PTPRD: variants seen among roughly 807,000 people sequenced by gnomAD.
The protein encoded by PTPRD is protein tyrosine phosphatase receptor type D.
In PTPRD, 34 loss-of-function variants were observed where a neutral mutation model predicts 214.5. The ratio of observed to expected loss-of-function variants is 0.16; its 90% CI spans 0.12 to 0.21. The LOEUF (loss-of-function observed/expected upper bound fraction) is 0.21. PTPRD is among the 10% of genes least tolerant of loss of function. The pLI, the probability that PTPRD is intolerant of heterozygous loss-of-function variation, is 1.00. For missense variants in PTPRD, 2,545 were observed against 2,398.7 expected (o/e 1.06, Z -1.27); for synonymous variants, 1,128 against 845.7 (o/e 1.33, Z -5.79).
chr9:10,238,882 G>C (rs2099637658), intron 3 of PTPRD, among the ~76,000 whole-genome samples: 1 of 151,964 alleles, frequency 6.6e-6, no homozygotes, highest in Middle Eastern at 3.4e-3. Flanking sequence ...TCCTAGGGGA[G>C]ATTTTGAAAA....
intron 12 of PTPRD, among the ~76,000 whole-genome samples, chr9:8,723,608 A>G (rs1319935402): frequency 6.6e-6 from 1 of 152,198 alleles, no homozygotes; most frequent in Non-Finnish European, 1.5e-5. Context: ...ATGTTACTGA[A>G]ATTTGTTTTA....
intron 2 of PTPRD, among the ~76,000 whole-genome samples, chr9:10,474,770 T>A (rs1346642545): frequency 6.6e-6 from 1 of 151,874 alleles, no homozygotes; most frequent in Non-Finnish European, 1.5e-5. Flanking sequence ...AGAATGGAAA[T>A]CATAACAAAC....
At chr9:8,487,155 G>A (rs2097038839) in intron 27 of PTPRD, among the ~76,000 whole-genome samples, 1 of 152,108 alleles carries the variant, frequency 6.6e-6, no homozygotes, top group Admixed American at 6.6e-5. Context: ...AATAAATGAG[G>A]AAATTCATGT....
chr9:9,669,541 T>C (rs1460472084), intron 7 of PTPRD, among the ~76,000 whole-genome samples: 3 of 152,186 alleles, frequency 2.0e-5, no homozygotes, highest in Non-Finnish European at 2.9e-5. Context: ...ATACTTCTTA[T>C]GTGTGAGTGT....
At chr9:9,762,758 T>C (rs1033697263) in intron 6 of PTPRD, among the ~76,000 whole-genome samples, 9 of 152,226 alleles carry the variant, frequency 5.9e-5, no homozygotes, top group Admixed American at 1.3e-4. Flanking sequence ...ATTATCAAGA[T>C]GTGAAGACAC....
chr9:10,131,279 C>A (rs1268892801), intron 3 of PTPRD, among the ~76,000 whole-genome samples: 2 of 152,044 alleles, frequency 1.3e-5, no homozygotes, highest in African/African-American at 4.8e-5. Context: ...AAGTTCTGTC[C>A]CTTAGACACT....
At chr9:9,620,991 T>C (rs2095211083) in intron 7 of PTPRD, among the ~76,000 whole-genome samples, 1 of 152,068 alleles carries the variant, frequency 6.6e-6, no homozygotes, top group Non-Finnish European at 1.5e-5. Flanking sequence ...ATACCAATAG[T>C]GTTTGATGTA....
chr9:8,684,527 T>C (rs2097636743), intron 12 of PTPRD, among the ~76,000 whole-genome samples: 1 of 152,078 alleles, frequency 6.6e-6, no homozygotes, highest in African/African-American at 2.4e-5. Context: ...GTGACTAAGG[T>C]CTCAGTTATA....
intron 39 of PTPRD, among the ~76,000 whole-genome samples, chr9:8,348,946 C>T (rs903108491): frequency 8.5e-5 from 13 of 152,082 alleles, no homozygotes; most frequent in African/African-American, 1.9e-4. Context: ...TGCCAGTTGG[C>T]GCTCTCCTCC....
intron 10 of PTPRD, among the ~76,000 whole-genome samples, chr9:9,178,977 C>T (rs766856272): frequency 3.9e-5 from 6 of 152,032 alleles, no homozygotes; most frequent in East Asian, 1.9e-4. Flanking sequence ...GTTCCTGCTA[C>T]GTGTAATGCT....
intron 3 of PTPRD, among the ~76,000 whole-genome samples, chr9:10,062,721 C>G (rs1008059728): frequency 6.6e-6 from 1 of 151,882 alleles, no homozygotes; most frequent in African/African-American, 2.4e-5. Flanking sequence ...TTTTCTCTCT[C>G]TTGCCCATTT....
chr9:8,893,873 A>G (rs1490732927), intron 11 of PTPRD, among the ~76,000 whole-genome samples: 2 of 152,206 alleles, frequency 1.3e-5, no homozygotes, highest in East Asian at 3.9e-4. Context: ...GTAAGGAACT[A>G]TTTATGAAAA....
intron 14 of PTPRD, among the ~76,000 whole-genome samples, chr9:8,540,128 A>G (rs576133565): frequency 3.5e-4 from 53 of 152,222 alleles, no homozygotes; most frequent in South Asian, 8.3e-4. Flanking sequence ...CTACTTTTCT[A>G]TAAGATTGGG....
intron 11 of PTPRD, among the ~76,000 whole-genome samples, chr9:8,813,509 T>C (rs1051382703): frequency 6.6e-6 from 1 of 152,180 alleles, no homozygotes; most frequent in Non-Finnish European, 1.5e-5. Flanking sequence ...TACTTGTGAC[T>C]ACAAGGCACG....
At position 9,416,310 on chromosome 9, in the gene PTPRD, G is replaced by C. The variant is rs148960145; in HGVS notation, c.-236-18828C>G. On this transcript the variant is annotated intron_variant, in intron 8 of 45. Transcript: ENST00000381196. ...TTGAAATCTTTCCATGCAGTGTTAT[G>C]AGTGGGTAAGTCTTGATTTTGAAAT... is the stretch of plus-strand genomic sequence containing the variant. 1.5e-4 allele frequency among the ~76,000 whole-genome samples: 23 copies of C among 152,310 alleles called. No individual in the cohort carries two copies. The East Asian group carries it at 4.2e-3, about 28-fold the overall frequency.
At chr9:8,333,018 AGT>A (rs1317811503) in intron 43 of PTPRD, among the ~76,000 whole-genome samples, 1 of 150,848 alleles carries the variant, frequency 6.6e-6, no homozygotes, top group Admixed American at 6.6e-5. Context: ...AGAGGATCTC[AGT>A]GTGAGATGAG....
At chr9:9,338,355 G>A (rs976705364) in intron 9 of PTPRD, among the ~76,000 whole-genome samples, 1 of 152,044 alleles carries the variant, frequency 6.6e-6, no homozygotes, top group Non-Finnish European at 1.5e-5. Context: ...GATGAAAATA[G>A]GTATCTGAAA....
rs187739272 is a variant in PTPRD at position 10,583,771 on chromosome 9, C to T, written c.-600+28627G>A. ...GGGATTACAGGCGTGAGCCACCGCG[C>T]CCGGCCACAGGTGTTCTATATAGTT... On this transcript the variant is annotated intron_variant, in intron 2 of 45. Coordinates refer to ENST00000381196, the MANE Select transcript of PTPRD (RefSeq NM_002839.4). 3.4e-3 allele frequency among the ~76,000 whole-genome samples: 515 copies of T among 152,288 alleles called. 5 individuals carry two copies. Among genetic ancestry groups the T allele is most frequent in the Middle Eastern group, 0.014 (4 of 294 alleles).
At chr9:10,607,603 A>C (rs145697694) in intron 2 of PTPRD, among the ~76,000 whole-genome samples, 3 of 152,024 alleles carry the variant, frequency 2.0e-5, no homozygotes, top group East Asian at 1.9e-4. Context: ...TAAAATGTAC[A>C]TTTCATAGAG....
Sources: allele counts gnomAD v4.1 joint callset (sites outside exome capture counted in the v4.1 genomes callset), GRCh38; gene constraint gnomAD v4.1.1; transcripts MANE v1.5; gene names NCBI Gene and HGNC (gene_info 2026-07-23, HGNC 2026-07-21).